The following PRDM2 variants were observed in gnomAD, a reference collection of about 807,000 sequenced individuals.
PRDM2 encodes the protein PR domain zinc finger protein 2.
PRDM2 carries 30 observed loss-of-function variants against 130.0 expected under a neutral mutation model. That is an observed-to-expected ratio of 0.23 (90% CI 0.17 to 0.31). The LOEUF (loss-of-function observed/expected upper bound fraction) is 0.31, where lower values mean the gene tolerates loss of function less well. PRDM2 is among the 10% of genes least tolerant of loss of function. The probability of loss-of-function intolerance (pLI) is 1.00; values close to 1 mark genes in which losing one functional copy is unlikely to be tolerated. For synonymous variants in PRDM2, 871 were observed against 782.4 expected (o/e 1.11, Z -1.89); for missense variants, 2,011 against 2,108.4 (o/e 0.95, Z 0.90).
chr1:13,719,271 A>T (rs557479177), intron 2 of PRDM2, among the ~76,000 whole-genome samples: 31 of 152,304 alleles, frequency 2.0e-4, no homozygotes, highest in Admixed American at 8.5e-4. Context: ...GGAAAAAGAA[A>T]ATTCCAGGCA....
At chr1:13,774,792 T>C (rs1039469655) in intron 7 of PRDM2, among the ~76,000 whole-genome samples, 15 of 151,938 alleles carry the variant, frequency 9.9e-5, no homozygotes, top group East Asian at 3.9e-4. Context: ...CTGGCTAACA[T>C]GGTGAAACCC....
chr1:13,709,993 A>G (rs1642319836), intron 1 of PRDM2, among the ~76,000 whole-genome samples: 1 of 152,226 alleles, frequency 6.6e-6, no homozygotes, highest in African/African-American at 2.4e-5. Context: ...TTAGAGGTGA[A>G]TGTACAAATC....
At position 13,771,723 on chromosome 1, in the gene PRDM2, C is replaced by T. The variant is rs1023416790; in HGVS notation, c.512-1355C>T. The T allele has an allele frequency of 1.3e-5, 2 of 151,934 alleles. No individual in the cohort carries two copies. The highest frequency in any genetic ancestry group is 2.9e-5 in the Non-Finnish European group (2 of 68,016). 9.4% of individuals were successfully genotyped at this position (151,934 alleles called of 1,614,324 possible). On this transcript the variant is annotated intron_variant, in intron 6 of 9. Coordinates refer to ENST00000311066, the MANE Select transcript of PRDM2 (RefSeq NM_001393986.1). This position sits in a 1 kb window ranked among gnomAD's most constrained non-coding sequence, Gnocchi z 4.1. ...CCAGCCTGGGCGACAGAGTGAGACT[C>T]CATCTCAAAAACAAAGAAAAAAAAA... is the stretch of plus-strand genomic sequence containing the variant.
At chr1:13,762,577 C>T (rs548946764) in intron 6 of PRDM2, among the ~76,000 whole-genome samples, 1 of 152,298 alleles carries the variant, frequency 6.6e-6, no homozygotes, top group African/African-American at 2.4e-5. Flanking sequence ...TGTGAGCCTT[C>T]CTCCCAGGCT....
intron 7 of PRDM2, among the ~76,000 whole-genome samples, chr1:13,776,938 A>G (rs1644487937): frequency 6.6e-6 from 1 of 152,124 alleles, no homozygotes; most frequent in Non-Finnish European, 1.5e-5. Context: ...TAGGACTTTG[A>G]AATTTCTAGG....
chr1:13,774,947 G>A (rs578004943), intron 7 of PRDM2, among the ~76,000 whole-genome samples: 1 of 146,986 alleles, frequency 6.8e-6, no homozygotes, highest in South Asian at 2.1e-4. Flanking sequence ...CAGCCTGGGC[G>A]ACAGAGCGAG....
chr1:13,781,329 A>G lies in PRDM2; in HGVS notation c.3534A>G (p.Ser1178=). 6.2e-7 allele frequency: 1 copy of G among 1,614,254 alleles called. No homozygotes were observed. Among genetic ancestry groups the G allele is most frequent in the Admixed American group, 1.7e-5 (1 of 60,032 alleles). The change falls in exon 8 of 10, where the codon TCA becomes TCG. Residue 1178 remains serine, a synonymous_variant. Transcript: ENST00000311066. The surrounding 1 kb of genome is among the most constrained non-coding windows in gnomAD (Gnocchi z 6.1). ...VQLFKDKTDL[S]EHRFLLHGVG... is the part of the protein sequence containing the mutation. ...TTTTTAAGGATAAAACGGACTTGTC[A>G]GAACATCGCTTTTTGCTTCATGGAG...
chr1:13,728,831 GA>G (rs1643009751), intron 2 of PRDM2, among the ~76,000 whole-genome samples: 1 of 152,138 alleles, frequency 6.6e-6, no homozygotes, highest in Admixed American at 6.5e-5. Context: ...GGGCGCTTCA[GA>G]AATTTTAATA....
intron 8 of PRDM2, among the ~76,000 whole-genome samples, chr1:13,807,793 A>G (rs1348082187): frequency 6.6e-6 from 1 of 152,194 alleles, no homozygotes; most frequent in Non-Finnish European, 1.5e-5. Context: ...ATGCCCTTGC[A>G]TTGTCTTCAG....
chr1:13,794,197 C>T (rs1377412572), intron 8 of PRDM2, among the ~76,000 whole-genome samples: 1 of 152,150 alleles, frequency 6.6e-6, no homozygotes, highest in Non-Finnish European at 1.5e-5. Context: ...CGGGCATTGG[C>T]TCTGGACCTG....
intron 6 of PRDM2, among the ~76,000 whole-genome samples, chr1:13,768,061 AT>A (rs968304390): frequency 7.0e-6 from 1 of 143,668 alleles, no homozygotes; most frequent in African/African-American, 2.6e-5. Context: ...CATTTTTAAC[AT>A]TTTGTCCTTG....
At chr1:13,814,697 G>T (rs1412144212) in intron 8 of PRDM2, among the ~76,000 whole-genome samples, 2 of 152,218 alleles carry the variant, frequency 1.3e-5, no homozygotes, top group East Asian at 3.9e-4. Context: ...TGTGTACCCT[G>T]ATTGAGAACC....
At chr1:13,782,852 G>A (rs749327256) in intron 8 of PRDM2, 21 bp downstream of exon 8, 2 of 1,608,222 alleles carry the variant, frequency 1.2e-6, no homozygotes, top group Non-Finnish European at 1.7e-6. Flanking sequence ...GAGCTGGTGG[G>A]AGGGAAAGAC....
Position 13,719,943 on chromosome 1 carries a change from A to G in PRDM2, c.9+4329A>G, listed in dbSNP as rs141571640. Among the ~76,000 whole-genome samples, 548 of 152,276 alleles carry G rather than the reference A, an allele frequency of 3.6e-3. 1 individual carries two copies. The highest frequency in any genetic ancestry group is 6.1e-3 in the Non-Finnish European group (416 of 68,010). The stretch of plus-strand genomic sequence containing the variant: ...TTACTTTGGTGATTATTATTAGTCT[A>G]TTGTAGCAATAATATATATTTTAGT... On this transcript the variant is annotated intron_variant, in intron 2 of 9. Transcript: ENST00000311066.
intron 8 of PRDM2, among the ~76,000 whole-genome samples, chr1:13,784,173 C>G (rs980689479): frequency 2.0e-5 from 3 of 152,214 alleles, no homozygotes; most frequent in African/African-American, 7.2e-5. Context: ...GCGGCACATA[C>G]ATAGGTAGCA....
At chr1:13,740,796 C>T (rs764853999) in intron 4 of PRDM2, among the ~76,000 whole-genome samples, 4 of 152,168 alleles carry the variant, frequency 2.6e-5, no homozygotes, top group Admixed American at 6.5e-5. Context: ...TGTTAGGGCC[C>T]GGTAAGGTGG....
chr1:13,782,548 A>G lies in PRDM2; in HGVS notation c.4753A>G (p.Thr1585Ala). ...CAGCCCGATAAGAATGGCCAAAATA[A>G]CTCATGTTGAGGGGAAAAAACCTAA... ...NSSPIRMAKI[T>A]HVEGKKPKAV... Residue 1585 changes from threonine (T) to alanine (A), a missense_variant, in exon 8 of 10, where the codon ACT becomes GCT. Thr to Ala is a moderately conservative substitution (Grantham distance 58). Transcript: ENST00000311066. 6.2e-7 allele frequency: 1 copy of G among 1,614,026 alleles called. No individual in the cohort carries two copies. The highest frequency in any genetic ancestry group is 8.5e-7 in the Non-Finnish European group (1 of 1,180,006).
At position 13,806,580 on chromosome 1, in the gene PRDM2, A is replaced by G. The variant is rs967733511; in HGVS notation, c.5037-9847A>G. On this transcript the variant is annotated intron_variant, in intron 8 of 9. Coordinates refer to ENST00000311066, the MANE Select transcript of PRDM2 (RefSeq NM_001393986.1). This position sits in a 1 kb window ranked among gnomAD's most constrained non-coding sequence, Gnocchi z 4.1. Reference sequence around the variant, plus strand: ...CTCCAACCTCTTCCTCCATCCCCACATCCAGCTCATCAGCAGATCCCCAAA... The same window carrying G: ...CTCCAACCTCTTCCTCCATCCCCACGTCCAGCTCATCAGCAGATCCCCAAA... Among the ~76,000 whole-genome samples, 2 of 152,104 alleles carry G rather than the reference A, an allele frequency of 1.3e-5. No homozygotes were observed. The highest frequency in any genetic ancestry group is 4.8e-5 in the African/African-American group (2 of 41,408).
chr1:13,738,142 A>T (rs1045249470), intron 4 of PRDM2, among the ~76,000 whole-genome samples: 12 of 152,212 alleles, frequency 7.9e-5, no homozygotes, highest in South Asian at 2.1e-4. Flanking sequence ...CTTTTTAAAA[A>T]TAATATTGTT....
Sources: allele counts gnomAD v4.1 joint callset (sites outside exome capture counted in the v4.1 genomes callset), GRCh38; gene constraint gnomAD v4.1.1; non-coding constraint Gnocchi (gnomAD v3.1); transcripts MANE v1.5; gene names NCBI Gene and HGNC (gene_info 2026-07-23, HGNC 2026-07-21).